Variants in COL18A1 observed in about 807,000 individuals in gnomAD.
The protein encoded by COL18A1 is collagen alpha-1(XVIII) chain.
A neutral mutation model predicts 168.0 loss-of-function variants in COL18A1; 133 were observed. That is an observed-to-expected ratio of 0.79 (90% CI 0.69 to 0.91). The LOEUF is 0.91. Among genes scored for constraint, COL18A1 ranks in the 40% least tolerant of loss-of-function variants. COL18A1 has a pLI of 0.00. For synonymous variants in COL18A1, 949 were observed against 809.0 expected, an observed-to-expected ratio of 1.17 and a Z score of -2.94; for missense variants, 2,126 against 1,925.4, an observed-to-expected ratio of 1.10 and a Z score of -1.95.
In COL18A1 at chr21:45,457,163, C is replaced by T. The variant is rs186650077; in HGVS notation, c.107-11079C>T. Among the ~76,000 whole-genome samples the T allele has an allele frequency of 2.8e-4, 43 of 152,306 alleles. 1 individual carries two copies. Among genetic ancestry groups the T allele is most frequent in the Admixed American group, 1.2e-3 (19 of 15,310 alleles). ...ATTTTAGCGCATTTAGTCCTCAGCA[C>T]GGTCCCGAGATACCCTGCCATGCCC... On this transcript the variant is annotated intron_variant, in intron 2 of 41. Transcript: ENST00000651438. This position sits in a 1 kb window ranked among gnomAD's most constrained non-coding sequence, Gnocchi z 4.6.
At chr21:45,485,112 A>C (rs1464686875) in intron 15 of COL18A1, among the ~76,000 whole-genome samples, 2 of 146,742 alleles carry the variant, frequency 1.4e-5, no homozygotes, top group East Asian at 4.0e-4. Context: ...CCTCCCGAGT[A>C]ACTGGGACTA....
intron 2 of COL18A1, among the ~76,000 whole-genome samples, chr21:45,451,918 G>T (rs558707040): frequency 6.6e-6 from 1 of 152,350 alleles, no homozygotes; most frequent in African/African-American, 2.4e-5. Context: ...CCCCATCAGA[G>T]CCAAGTGGTT....
chr21:45,493,789 C>G (rs1376299181), intron 26 of COL18A1: 9 of 582,588 alleles, frequency 1.5e-5, no homozygotes, highest in Non-Finnish European at 2.8e-5. Flanking sequence ...CCCTCGTCCT[C>G]TCCCTACCCC....
chr21:45,486,818 GGGGCT>G, intron 15 of COL18A1, 38 bp from the exon 16 acceptor site: 1 of 1,525,492 alleles, frequency 6.6e-7, no homozygotes, highest in Middle Eastern at 1.8e-4. Flanking sequence ...AGGGCCAGCG[GGGGCT>G]GGGCTGGGTC....
chr21:45,448,064 G>C (rs1376356482), intron 2 of COL18A1, among the ~76,000 whole-genome samples: 2 of 152,218 alleles, frequency 1.3e-5, no homozygotes, highest in Non-Finnish European at 2.9e-5. Flanking sequence ...CCTCTGCTGA[G>C]TCACCTGGAC....
chr21:45,484,203 A>ATG (rs2036009191), intron 15 of COL18A1, among the ~76,000 whole-genome samples: 1 of 148,220 alleles, frequency 6.7e-6, no homozygotes, highest in African/African-American at 2.5e-5. Context: ...GTGCACACAC[A>ATG]CATAGGCACA....
chr21:45,412,913 G>A (rs1189098005), intron 2 of COL18A1, among the ~76,000 whole-genome samples: 5 of 152,238 alleles, frequency 3.3e-5, no homozygotes, highest in Non-Finnish European at 7.3e-5. Context: ...GCCGCCTAGT[G>A]TGATGGCTGA....
chr21:45,448,384 G>A (rs906967097), intron 2 of COL18A1, among the ~76,000 whole-genome samples: 40 of 152,154 alleles, frequency 2.6e-4, no homozygotes, highest in African/African-American at 8.2e-4. Flanking sequence ...GCACACATCC[G>A]TGATGCATAT....
At chr21:45,467,229 TG>T in intron 2 of COL18A1, 1 of 985,392 alleles carries the variant, frequency 1.0e-6, no homozygotes, top group Non-Finnish European at 1.2e-6. Context: ...GTGAGAACTC[TG>T]GGCACCGGGG....
rs1197977758 is a variant in COL18A1 at position 45,471,085 on chromosome 21, C to T, written c.651+2299C>T. Among the ~76,000 whole-genome samples, 1 of 128,066 alleles carries T rather than the reference C, an allele frequency of 7.8e-6. No homozygotes were observed. The highest frequency in any genetic ancestry group is 2.6e-5 in the African/African-American group (1 of 37,880). 84.0% of individuals were successfully genotyped at this position (128,066 alleles called of 152,430 possible). A position where few individuals can be genotyped will look rare whatever the true frequency, so the allele number is the denominator to read the frequency against. ...CTTGTGCTGCTGGGCCTGGGTGGCG[C>T]GCTACGGGCCGTGTGCTGCTGGGCC... On this transcript the variant is annotated intron_variant, in intron 3 of 41. Coordinates refer to ENST00000651438, the MANE Select transcript of COL18A1 (RefSeq NM_001379500.1). This position sits in a 1 kb window ranked among gnomAD's most constrained non-coding sequence, Gnocchi z 4.4.
intron 32 of COL18A1, among the ~76,000 whole-genome samples, chr21:45,499,047 G>C (rs776289901): frequency 2.6e-5 from 4 of 152,226 alleles, no homozygotes; most frequent in Non-Finnish European, 5.9e-5. Flanking sequence ...CCAAAGCCAA[G>C]GAAGGCTCAG....
intron 2 of COL18A1, chr21:45,422,625 C>T (rs138042795): frequency 1.1e-5 from 4 of 374,128 alleles, no homozygotes; most frequent in East Asian, 1.7e-4. Context: ...CTCTCCCAGC[C>T]GTCGGTTGGT....
chr21:45,405,297 T>C (rs868759651), intron 1 of COL18A1, 56 bp downstream of exon 1: 128 of 690,230 alleles, frequency 1.9e-4, no homozygotes, highest in African/African-American at 2.1e-4. Context: ...GCTGCGGGGG[T>C]CGCGGGGGTC....
intron 32 of COL18A1, among the ~76,000 whole-genome samples, chr21:45,503,511 T>A (rs1478445718): frequency 1.3e-5 from 2 of 151,692 alleles, no homozygotes; most frequent in East Asian, 1.9e-4. Context: ...TTGGAAATCA[T>A]CATTCTCAGT....
chr21:45,508,259 G>A (rs553063649), intron 38 of COL18A1, among the ~76,000 whole-genome samples: 3 of 151,602 alleles, frequency 2.0e-5, no homozygotes, highest in Admixed American at 2.0e-4. Context: ...ATGGTGGACA[G>A]GTGGGTGAGT....
In COL18A1 at chr21:45,509,391, G is replaced by A. The variant is rs1320716461; in HGVS notation, c.3285G>A (p.Val1095=). The change falls in exon 39 of 42, where the codon GTG becomes GTA. Residue 1095 remains valine (V), a synonymous_variant. Coordinates refer to ENST00000651438, the MANE Select transcript of COL18A1 (RefSeq NM_001379500.1). ...TGGCCGCCTTGCAGCCCCCCGTGGT[G>A]CAGCTGCACGACAGCAACCCCTACC... ...NEVAALQPPV[V]QLHDSNPYPR... 6 of 1,543,516 alleles carry A rather than the reference G, an allele frequency of 3.9e-6. No individual in the cohort carries two copies. The highest frequency in any genetic ancestry group is 5.2e-6 in the Non-Finnish European group (6 of 1,145,294).
At chr21:45,481,145 C>T (rs1342612503) in intron 13 of COL18A1, among the ~76,000 whole-genome samples, 1 of 152,114 alleles carries the variant, frequency 6.6e-6, no homozygotes, top group Non-Finnish European at 1.5e-5. Flanking sequence ...GCACAGAGAG[C>T]GTCTCCATGA....
At chr21:45,490,144 C>G (rs955063393) in intron 19 of COL18A1, 131 bp from the exon 20 acceptor site, 4 of 586,116 alleles carry the variant, frequency 6.8e-6, no homozygotes, top group Admixed American at 2.4e-5. Context: ...AGCCCCTGCT[C>G]AGGCCCACAG....
Position 45,443,907 on chromosome 21 carries a change from C to T in COL18A1, c.107-24335C>T, listed in dbSNP as rs2034447418. 6.6e-6 allele frequency among the ~76,000 whole-genome samples: 1 copy of T among 152,136 alleles called. No homozygotes were observed. The highest frequency in any genetic ancestry group is 1.5e-5 in the Non-Finnish European group (1 of 68,022). On this transcript the variant is annotated intron_variant, in intron 2 of 41. Coordinates refer to ENST00000651438, the MANE Select transcript of COL18A1 (RefSeq NM_001379500.1). This position sits in a 1 kb window ranked among gnomAD's most constrained non-coding sequence, Gnocchi z 5.2. ...CCCTCCAGACTCCTAGGAAGGGGAC[C>T]GTCCTCCCAGTGGCAGCCAGGACTG...
Sources: gnomAD v4.1 joint callset for allele counts (sites outside exome capture counted in the v4.1 genomes callset) on GRCh38, gnomAD v4.1.1 for gene constraint, Gnocchi (gnomAD v3.1) non-coding constraint, MANE v1.5 for transcripts, NCBI Gene and HGNC (gene_info 2026-07-23, HGNC 2026-07-21) for gene names.